NEDD9: variants seen among roughly 807,000 people sequenced by gnomAD.
The protein encoded by NEDD9 is neural precursor cell expressed, developmentally down-regulated 9, also known as enhancer of filamentation 1.
In NEDD9, 26 loss-of-function variants were observed where a neutral mutation model predicts 76.6. The observed-to-expected ratio is 0.34, with a 90% CI of 0.25 to 0.47. NEDD9 has a LOEUF of 0.47. Among genes scored for constraint, NEDD9 ranks in the 20% least tolerant of loss-of-function variants. The pLI, the probability that NEDD9 is intolerant of heterozygous loss-of-function variation, is 1.00. For synonymous variants in NEDD9, 392 were observed against 414.2 expected, an observed-to-expected ratio of 0.95 and a Z score of 0.65; for missense variants, 937 against 1,058.5, an observed-to-expected ratio of 0.89 and a Z score of 1.59.
intron 3 of NEDD9, among the ~76,000 whole-genome samples, chr6:11,297,132 G>GT (rs199939249): frequency 0.33 from 42,288 of 128,936 alleles, 6,582 homozygotes; most frequent in East Asian, 0.63. Flanking sequence ...AATTTGTTTT[G>GT]TTTTTTTTTT....
chr6:11,377,066 T>C (rs755384246), intron 1 of NEDD9, among the ~76,000 whole-genome samples: 3 of 152,190 alleles, frequency 2.0e-5, no homozygotes, highest in Non-Finnish European at 4.4e-5. Context: ...TGAAGAAGGC[T>C]TGGTGGCTTC....
chr6:11,223,132 A>G (rs1033689239), intron 1 of NEDD9, among the ~76,000 whole-genome samples: 8 of 152,156 alleles, frequency 5.3e-5, no homozygotes, highest in Admixed American at 3.3e-4. Context: ...ACAAAGAATG[A>G]CCTGGCCCTA....
At chr6:11,203,130 A>G (rs769461938) in intron 2 of NEDD9, among the ~76,000 whole-genome samples, 3 of 152,256 alleles carry the variant, frequency 2.0e-5, no homozygotes, top group Non-Finnish European at 4.4e-5. Context: ...AGCATTTAAC[A>G]TGAAAGAACA....
At chr6:11,367,774 G>A (rs1762794509) in intron 1 of NEDD9, among the ~76,000 whole-genome samples, 1 of 152,212 alleles carries the variant, frequency 6.6e-6, no homozygotes, top group Non-Finnish European at 1.5e-5. Context: ...TTGACAGCAG[G>A]ATTCCAGGAG....
At chr6:11,191,536 C>A (rs1246048027) in intron 4 of NEDD9, among the ~76,000 whole-genome samples, 2 of 152,128 alleles carry the variant, frequency 1.3e-5, no homozygotes, top group African/African-American at 2.4e-5. Flanking sequence ...CCAGAGTTCT[C>A]CCCCGGTCTT....
chr6:11,321,225 A>G (rs1761793259), intron 2 of NEDD9, among the ~76,000 whole-genome samples: 2 of 129,628 alleles, frequency 1.5e-5, no homozygotes, highest in Non-Finnish European at 3.3e-5. Flanking sequence ...AGGAGGGAGG[A>G]AGGAAGGGAG....
Position 11,252,789 on chromosome 6 carries a change from G to T in NEDD9, c.13-39062C>A, listed in dbSNP as rs1367671583. 6.6e-6 allele frequency among the ~76,000 whole-genome samples: 1 copy of T among 152,024 alleles called. No individual in the cohort carries two copies. Among genetic ancestry groups the T allele is most frequent in the Non-Finnish European group, 1.5e-5 (1 of 68,024 alleles). On this transcript the variant is annotated intron_variant, in intron 3 of 3. Coordinates refer to the NEDD9 transcript ENST00000397378. This position sits in a 1 kb window ranked among gnomAD's most constrained non-coding sequence, Gnocchi z 4.3. ...GGGTTTGTTTGTGAGTAAATTGGTTGTATGCCCCAGGGCCTAACTATTCTA... is the reference window on the plus strand; with the variant it reads ...GGGTTTGTTTGTGAGTAAATTGGTTTTATGCCCCAGGGCCTAACTATTCTA...
intron 2 of NEDD9, among the ~76,000 whole-genome samples, chr6:11,197,019 A>G (rs183767085): frequency 2.0e-5 from 3 of 152,258 alleles, no homozygotes; most frequent in African/African-American, 2.4e-5. Context: ...GCTGCGTGAC[A>G]TAAGTACACA....
intron 2 of NEDD9, among the ~76,000 whole-genome samples, chr6:11,333,027 AAAGG>A (rs1164030984): frequency 1.4e-5 from 2 of 147,536 alleles, no homozygotes; most frequent in African/African-American, 5.0e-5. Flanking sequence ...CACTTCAGAA[AAAGG>A]AAGGAAGGAA....
At position 11,362,039 on chromosome 6, in the gene NEDD9, C is replaced by A. The variant is rs147028733; in HGVS notation, c.-214+20100G>T. On this transcript the variant is annotated intron_variant, in intron 1 of 3. Transcript: ENST00000397378. Reference sequence around the variant, plus strand: ...GCAATGAACTGAATGCTTGTATCACCCCCAAATTTATATGTTGAAGTCCCA... The same window carrying A: ...GCAATGAACTGAATGCTTGTATCACACCCAAATTTATATGTTGAAGTCCCA... Among the ~76,000 whole-genome samples, 386 of 152,208 alleles carry A rather than the reference C, an allele frequency of 2.5e-3. 3 individuals carry two copies. Among genetic ancestry groups the A allele is most frequent in the African/African-American group, 8.6e-3 (358 of 41,522 alleles).
rs867138930 is a variant in NEDD9 at position 11,241,177 on chromosome 6, T to C, written c.13-27450A>G. ...TGAAATGAGAGTGGCCGTCTCCTCT[T>C]TCCGGAGGCACTGCCCAAACACAAT... On this transcript the variant is annotated intron_variant, in intron 3 of 3. Transcript: ENST00000397378. This position sits in a 1 kb window ranked among gnomAD's most constrained non-coding sequence, Gnocchi z 4.0. Among the ~76,000 whole-genome samples, 93 of 152,194 alleles carry C rather than the reference T, an allele frequency of 6.1e-4. No individual in the cohort carries two copies. The highest frequency in any genetic ancestry group is 2.1e-3 in the African/African-American group (88 of 41,436).
chr6:11,277,773 G>A (rs911091535), intron 3 of NEDD9, among the ~76,000 whole-genome samples: 4 of 152,144 alleles, frequency 2.6e-5, no homozygotes, highest in African/African-American at 9.7e-5. Context: ...ATTCTACAGC[G>A]GATGTTGTGT....
rs550083116 is a variant in NEDD9 at position 11,191,003 on chromosome 6, G to A, written c.866C>T (p.Pro289Leu). The A allele has an allele frequency of 1.7e-4, 276 of 1,613,862 alleles. 2 individuals carry two copies. The highest frequency in any genetic ancestry group is 1.9e-4 in the South Asian group (17 of 91,070). ...YNCDIPGAAE[P>L]VARRHQSLSP... ...CAGGCTCTGGTGCCTTCGAGCCACC[G>A]GTTCTGCAGCTCCTGGAATGTCACA... The change falls in exon 5 of 7, where the codon CCG (proline) becomes CTG (leucine). Residue 289 changes from proline (P) to leucine (L), a missense_variant. By Grantham distance (98) the Pro-to-Leu change is moderately conservative. Coordinates refer to ENST00000379446, the MANE Select transcript of NEDD9 (RefSeq NM_006403.4).
chr6:11,332,557 G>C (rs9468868), intron 2 of NEDD9, among the ~76,000 whole-genome samples: 3 of 152,128 alleles, frequency 2.0e-5, no homozygotes, highest in African/African-American at 4.8e-5. Context: ...AATCATACAT[G>C]CCTTCTCTAC....
intron 1 of NEDD9, among the ~76,000 whole-genome samples, chr6:11,368,088 G>A (rs1762800321): frequency 1.3e-5 from 2 of 152,166 alleles, no homozygotes; most frequent in Non-Finnish European, 2.9e-5. Flanking sequence ...CAATTACCCA[G>A]GGCCTGCTTG....
chr6:11,365,597 C>A (rs976794637), intron 1 of NEDD9, among the ~76,000 whole-genome samples: 1 of 152,106 alleles, frequency 6.6e-6, no homozygotes, highest in African/African-American at 2.4e-5. Flanking sequence ...TCCTTCCCTG[C>A]AAGCACATTT....
chr6:11,201,144 G>A, intron 2 of NEDD9: 1 of 1,403,564 alleles, frequency 7.1e-7, no homozygotes, highest in East Asian at 2.3e-5. Context: ...TCTTTCCTTG[G>A]GCATCCACTT....
chr6:11,275,565 C>CACACACACATATAT (rs551632582), intron 3 of NEDD9, among the ~76,000 whole-genome samples: 23 of 150,288 alleles, frequency 1.5e-4, no homozygotes, highest in African/African-American at 3.9e-4. Context: ...CACACACACA[C>CACACACACATATAT]ATATATATAT....
intron 1 of NEDD9, among the ~76,000 whole-genome samples, chr6:11,339,005 T>TATCTGG (rs544514158): frequency 6.6e-6 from 1 of 152,134 alleles, no homozygotes; most frequent in South Asian, 2.1e-4. Flanking sequence ...GAAATAAAAC[T>TATCTGG]ATCTGGATCT....
Sources: gnomAD v4.1 joint callset for allele counts (sites outside exome capture counted in the v4.1 genomes callset) on GRCh38, gnomAD v4.1.1 for gene constraint, Gnocchi (gnomAD v3.1) non-coding constraint, MANE v1.5 for transcripts, NCBI Gene and HGNC (gene_info 2026-07-23, HGNC 2026-07-21) for gene names.